The following KTN1 variants were observed in gnomAD, a reference collection of about 807,000 sequenced individuals.
KTN1 encodes kinectin 1.
KTN1 carries 130 observed loss-of-function variants against 222.5 expected under a neutral mutation model. The observed-to-expected ratio is 0.58, with a 90% CI of 0.51 to 0.68. The LOEUF is 0.68. KTN1 is among the 30% of genes least tolerant of loss of function. The pLI, the probability that KTN1 is intolerant of heterozygous loss-of-function variation, is 0.00. For missense variants in KTN1, 1,508 were observed against 1,500.4 expected (o/e 1.01, Z -0.08); for synonymous variants, 512 against 496.3 (o/e 1.03, Z -0.42).
intron 1 of KTN1, among the ~76,000 whole-genome samples, chr14:55,591,884 C>G (rs920169625): frequency 1.3e-5 from 2 of 152,146 alleles, no homozygotes; most frequent in Admixed American, 1.3e-4. Flanking sequence ...CCTTGCATTT[C>G]TGATTAATGA....
intron 1 of KTN1, among the ~76,000 whole-genome samples, chr14:55,587,488 A>G (rs1478030820): frequency 6.6e-6 from 1 of 152,212 alleles, no homozygotes; most frequent in Non-Finnish European, 1.5e-5. Flanking sequence ...GGACAAGCTA[A>G]GCTGTGCACT....
chr14:55,659,540 C>G (rs932079961), intron 30 of KTN1, 126 bp from the exon 31 acceptor site: 1 of 674,198 alleles, frequency 1.5e-6, no homozygotes, highest in African/African-American at 1.8e-5. Flanking sequence ...GTCAGGGTTA[C>G]TGGCATATGA....
intron 20 of KTN1, among the ~76,000 whole-genome samples, chr14:55,648,425 A>G (rs940847656): frequency 1.3e-5 from 2 of 152,338 alleles, no homozygotes; most frequent in South Asian, 2.1e-4. Flanking sequence ...AGAGATTGCC[A>G]TTCTATTTTA....
intron 33 of KTN1, 68 bp from the exon 34 acceptor site, chr14:55,667,173 T>C (rs143929728): frequency 4.3e-5 from 44 of 1,030,406 alleles, no homozygotes; most frequent in Non-Finnish European, 5.7e-5. Context: ...ACTATAGTTT[T>C]TTTCTTTTCT....
intron 1 of KTN1, among the ~76,000 whole-genome samples, chr14:55,607,721 A>G (rs183001588): frequency 6.3e-4 from 96 of 152,228 alleles, no homozygotes; most frequent in African/African-American, 2.1e-3. Flanking sequence ...TAAAGAGGTA[A>G]CTAATATTAG....
At chr14:55,661,932 G>C (rs980526687) in intron 32 of KTN1, 2 of 176,790 alleles carry the variant, frequency 1.1e-5, no homozygotes, top group African/African-American at 4.7e-5. Flanking sequence ...ATGTTTTTCA[G>C]CTTGGTATTT....
chr14:55,639,708 T>C (rs979315191), intron 13 of KTN1, among the ~76,000 whole-genome samples: 1 of 151,848 alleles, frequency 6.6e-6, no homozygotes, highest in African/African-American at 2.4e-5. Context: ...TTAACCTCTT[T>C]TATCTCGAGT....
chr14:55,662,529 A>G (rs2044262925), intron 32 of KTN1, among the ~76,000 whole-genome samples: 1 of 152,168 alleles, frequency 6.6e-6, no homozygotes, highest in African/African-American at 2.4e-5. Context: ...ATTTAGTGGA[A>G]TTTCTTAACT....
intron 25 of KTN1, 114 bp from the exon 26 acceptor site, chr14:55,652,736 C>A (rs17684959): frequency 3.0e-6 from 2 of 663,956 alleles, no homozygotes; most frequent in Non-Finnish European, 5.2e-6. Flanking sequence ...TAGTTTAGTT[C>A]AATCAGCTGG....
chr14:55,631,341 G>GATTTATAT (rs1555371423), intron 7 of KTN1, among the ~76,000 whole-genome samples: 1 of 114,718 alleles, frequency 8.7e-6, no homozygotes, highest in South Asian at 2.8e-4. Context: ...TGATAAGGTT[G>GATTTATAT]ATATATATAT....
chr14:55,581,586 A>G (rs927590781), intron 1 of KTN1, among the ~76,000 whole-genome samples: 5 of 152,232 alleles, frequency 3.3e-5, no homozygotes, highest in Non-Finnish European at 7.3e-5. Context: ...ACTCATGGCC[A>G]GCCCAGCTAA....
rs560768221 is a variant in KTN1, at chr14:55,673,108, G to A, written c.3688-64G>A. The stretch of plus-strand genomic sequence containing the variant: ...ATAAGTTGTTTGTGGCAGAGCTTCC[G>A]AGTAGCATACAAAACATGGGCTATC... On this transcript the variant is annotated intron_variant, in intron 39 of 43. Coordinates refer to ENST00000395314, the MANE Select transcript of KTN1 (RefSeq NM_001079521.2). 2.2e-3 allele frequency: 3,316 copies of A among 1,494,100 alleles called. 6 individuals are homozygous for A. Among genetic ancestry groups the A allele is most frequent in the Non-Finnish European group, 2.8e-3 (3,039 of 1,072,756 alleles). The allele number at this position is 1,494,100 out of a possible 1,614,324, so 92.6% of individuals were successfully genotyped here. A position where few individuals can be genotyped will look rare whatever the true frequency, so the allele number is the denominator to read the frequency against.
chr14:55,672,566 A>G (rs1411702971), intron 37 of KTN1, 64 bp from the exon 38 acceptor site: 2 of 952,858 alleles, frequency 2.1e-6, no homozygotes, highest in African/African-American at 1.7e-5. Flanking sequence ...TCAGAATTCT[A>G]CAGGATAGAA....
chr14:55,600,295 A>G (rs558409677), intron 1 of KTN1, among the ~76,000 whole-genome samples: 2 of 152,134 alleles, frequency 1.3e-5, no homozygotes, highest in South Asian at 4.2e-4. Flanking sequence ...TTTCCAAAGG[A>G]TGATAAATTT....
intron 11 of KTN1, 72 bp downstream of exon 11, chr14:55,637,436 G>A: frequency 9.4e-7 from 1 of 1,060,048 alleles, no homozygotes; most frequent in Non-Finnish European, 1.3e-6. Context: ...GTCTAGAAGA[G>A]AGACTAAAGT....
intron 41 of KTN1, among the ~76,000 whole-genome samples, chr14:55,676,292 T>C (rs79717100): frequency 0.027 from 4,081 of 152,232 alleles, 187 homozygotes; most frequent in African/African-American, 0.093. Flanking sequence ...GATATAAATT[T>C]CTATTTTTTT....
chr14:55,672,521 T>G (rs1316684413), intron 37 of KTN1, 109 bp from the exon 38 acceptor site: 1 of 637,412 alleles, frequency 1.6e-6, no homozygotes, highest in African/African-American at 1.8e-5. Flanking sequence ...TTAAATGAGA[T>G]GCATTTCAAA....
chr14:55,661,585 A>T lies in KTN1; in HGVS notation c.3063A>T (p.Ala1021=). ...LWNELDSLKD[A]VEHQRKKNND... ...ATGAGTTAGATTCTTTGAAGGATGC[A>T]GTTGAACACCAGAGGAAGAAAAACA... The change falls in exon 32 of 44, where the codon GCA becomes GCT. Residue 1021 remains alanine (A), a synonymous_variant. Transcript: ENST00000395314. 1 of 1,593,760 alleles carries T rather than the reference A, an allele frequency of 6.3e-7. No individual in the cohort carries two copies. The highest frequency in any genetic ancestry group is 8.6e-7 in the Non-Finnish European group (1 of 1,162,026).
intron 1 of KTN1, among the ~76,000 whole-genome samples, chr14:55,581,599 A>G (rs2031664755): frequency 6.6e-6 from 1 of 152,240 alleles, no homozygotes; most frequent in African/African-American, 2.4e-5. Context: ...CCAGCTAAAG[A>G]TAAGCATCTT....
Sources: gnomAD v4.1 joint callset for allele counts (sites outside exome capture counted in the v4.1 genomes callset) on GRCh38, gnomAD v4.1.1 for gene constraint, MANE v1.5 for transcripts, NCBI Gene and HGNC (gene_info 2026-07-23, HGNC 2026-07-21) for gene names.